The following BCL6 variants were observed in gnomAD, a reference collection of about 807,000 sequenced individuals.
BCL6 encodes the protein BCL6 transcription repressor, also known as B-cell lymphoma 6 protein.
BCL6 carries 7 observed loss-of-function variants against 59.5 expected under a neutral mutation model. The ratio of observed to expected loss-of-function variants is 0.12; its 90% CI spans 0.07 to 0.22. The LOEUF (loss-of-function observed/expected upper bound fraction) is 0.22. Ranked by LOEUF, BCL6 falls within the 10% of genes least tolerant of loss-of-function variation. The probability of loss-of-function intolerance (pLI) is 1.00; values close to 1 mark genes in which losing one functional copy is unlikely to be tolerated. For missense variants in BCL6, 685 were observed against 939.4 expected, an observed-to-expected ratio of 0.73 and a Z score of 3.54; for synonymous variants, 339 against 349.7, an observed-to-expected ratio of 0.97 and a Z score of 0.34.
At position 187,724,937 on chromosome 3, in the gene BCL6, G is replaced by T. The variant is rs112100267; in HGVS notation, c.1977+4C>A. 1 of 1,614,172 alleles carries T rather than the reference G, an allele frequency of 6.2e-7. No homozygotes were observed. The highest frequency in any genetic ancestry group is 1.1e-5 in the South Asian group (1 of 91,090). ...CAGAGAGCGGCCTCAAGAGGCTTAC[G>T]TACATGGTAAGGTTTCTCTCCTGTG... On this transcript the variant is annotated splice_donor_region_variant and intron_variant, in intron 9 of 9. Transcript: ENST00000406870.
At chr3:187,741,561 T>C (rs1711593316) in intron 1 of BCL6, among the ~76,000 whole-genome samples, 1 of 151,042 alleles carries the variant, frequency 6.6e-6, no homozygotes, top group Middle Eastern at 3.2e-3. Flanking sequence ...ATCGGGAGGG[T>C]TGGGAGGGGC....
chr3:187,726,987 T>G (rs1718738909), intron 6 of BCL6, 89 bp from the exon 7 acceptor site: 1 of 1,455,696 alleles, frequency 6.9e-7, no homozygotes, highest in African/African-American at 1.4e-5. Flanking sequence ...CTACCCCTTG[T>G]GCCAAACTGA....
chr3:187,721,548 C>T lies in BCL6; in HGVS notation c.*910G>A. On this transcript the variant is annotated 3_prime_UTR_variant, in exon 10 of 10. Transcript: ENST00000406870. The surrounding 1 kb of genome is among the most constrained non-coding windows in gnomAD (Gnocchi z 4.2). ...AAGAGAGTTTAGTTAGTAACAACTT[C>T]AAGTCCCTGTGTCTGCCTACACTTC... The T allele has an allele frequency of 4.3e-6, 1 of 233,414 alleles. No individual in the cohort carries two copies. Among genetic ancestry groups the T allele is most frequent in the Non-Finnish European group, 8.5e-6 (1 of 117,878 alleles). 14.5% of individuals were successfully genotyped at this position (233,414 alleles called of 1,614,324 possible). A position where few individuals can be genotyped will look rare whatever the true frequency, so the allele number is the denominator to read the frequency against.
rs112603207 is a variant in BCL6, at chr3:187,725,453, C to T, written c.1839+46G>A. 5.0e-3 allele frequency: 7,821 copies of T among 1,550,242 alleles called. 276 individuals carry two copies. The African/African-American group carries it at 0.11, about 22-fold the overall frequency. ...CTGCCCACTCCTCCGCTCGCCTGCC[C>T]GCTCCGCTCGCCTGCCCGCTCCGCT... is the stretch of plus-strand genomic sequence containing the variant. On this transcript the variant is annotated intron_variant, in intron 8 of 9. Coordinates refer to ENST00000406870, the MANE Select transcript of BCL6 (RefSeq NM_001706.5). The surrounding 1 kb of genome is among the most constrained non-coding windows in gnomAD (Gnocchi z 4.7).
chr3:187,744,728 A>T (rs1258287916), intron 1 of BCL6, among the ~76,000 whole-genome samples: 2 of 152,128 alleles, frequency 1.3e-5, no homozygotes, highest in South Asian at 2.1e-4. Context: ...TGCCTCCCGG[A>T]GTTACCCAGA....
At position 187,729,059 on chromosome 3, in the gene BCL6, A is replaced by ATGTTAT; in HGVS notation, c.1340_1345dup (p.Asn447_Asn448dup). On this transcript the variant is annotated inframe_insertion, in exon 5 of 10. Transcript: ENST00000406870. The surrounding 1 kb of genome is among the most constrained non-coding windows in gnomAD (Gnocchi z 5.6). ...CAGTCTCTGAAATCACCTGTTAACG[A>ATGTTAT]TGTTATTGAGCCGGCTGGCTTGTGG... 1 of 1,524,844 alleles carries ATGTTAT rather than the reference A, an allele frequency of 6.6e-7. No individual in the cohort carries two copies. Among genetic ancestry groups the ATGTTAT allele is most frequent in the Non-Finnish European group, 8.8e-7 (1 of 1,138,318 alleles). The allele number at this position is 1,524,844 out of a possible 1,614,324, so 94.5% of individuals were successfully genotyped here. A position where few individuals can be genotyped will look rare whatever the true frequency, so the allele number is the denominator to read the frequency against.
Position 187,742,224 on chromosome 3 carries a change from A to C in BCL6, c.-50+3186T>G, listed in dbSNP as rs115303055. On this transcript the variant is annotated intron_variant, in intron 1 of 9. Coordinates refer to ENST00000406870, the MANE Select transcript of BCL6 (RefSeq NM_001706.5). ...GGCGCTGCTGCACCGCCTCCTCTAT[A>C]TCTCTTAAGTTTTTCACAACAAAGT... Among the ~76,000 whole-genome samples the C allele has an allele frequency of 4.7e-3, 714 of 152,194 alleles. 8 individuals are homozygous for C. Among genetic ancestry groups the C allele is most frequent in the African/African-American group, 0.016 (682 of 41,518 alleles).
At chr3:187,741,064 C>T (rs1311630325) in intron 1 of BCL6, among the ~76,000 whole-genome samples, 2 of 152,210 alleles carry the variant, frequency 1.3e-5, no homozygotes, top group African/African-American at 4.8e-5. Context: ...GTCCGAGAAT[C>T]GCCGCGCGGC....
rs757479124 is a variant in BCL6 at position 187,729,610 on chromosome 3, G to A, written c.795C>T (p.Ile265=). Residue 265 remains isoleucine, a synonymous_variant, in exon 5 of 10, where the codon ATC becomes ATT. Transcript: ENST00000406870. This position sits in a 1 kb window ranked among gnomAD's most constrained non-coding sequence, Gnocchi z 5.6. Reference sequence around the variant, plus strand: ...GCATATCACTTCGTGCCTCTTCTGGGATTGTTTCCTTGGGTGAATAGATAT... The same window carrying A: ...GCATATCACTTCGTGCCTCTTCTGGAATTGTTTCCTTGGGTGAATAGATAT... The part of the protein sequence containing the change: ...HSNIYSPKET[I]PEEARSDMHY... 13 of 1,614,056 alleles carry A rather than the reference G, an allele frequency of 8.1e-6. No homozygotes were observed. In the East Asian group the frequency reaches 2.0e-4, roughly 25 times the overall value.
At chr3:187,727,001 C>G in intron 6 of BCL6, 103 bp from the exon 7 acceptor site, 2 of 1,335,216 alleles carry the variant, frequency 1.5e-6, no homozygotes, top group Non-Finnish European at 1.0e-6. Context: ...AAACTGAACT[C>G]TCAGTCCCTC....
intron 1 of BCL6, chr3:187,737,597 C>G (rs773620589): frequency 6.6e-6 from 1 of 152,616 alleles, no homozygotes; most frequent in Non-Finnish European, 1.5e-5. Flanking sequence ...CACTCCGTAC[C>G]TGTCTTCCAG....
intron 7 of BCL6, among the ~76,000 whole-genome samples, chr3:187,726,515 C>A (rs1560148056): frequency 6.6e-6 from 1 of 152,196 alleles, no homozygotes; most frequent in Non-Finnish European, 1.5e-5. Flanking sequence ...CAGGATAGAG[C>A]ATCTCAGAGG....
chr3:187,732,194 G>A lies in BCL6; in HGVS notation c.162-264C>T, dbSNP rs1308912496. On this transcript the variant is annotated intron_variant, in intron 3 of 9. Coordinates refer to ENST00000406870, the MANE Select transcript of BCL6 (RefSeq NM_001706.5). ...AAATAGGGGAACTAAGATCAGGGGG[G>A]TTAAGTGAATATTCTTAAAGTCACA... Among the ~76,000 whole-genome samples, 4 of 152,176 alleles carry A rather than the reference G, an allele frequency of 2.6e-5. No homozygotes were observed. The East Asian group carries it at 5.8e-4, about 22-fold the overall frequency.
intron 7 of BCL6, 58 bp downstream of exon 7, chr3:187,726,673 C>T (rs1273028866): frequency 6.3e-7 from 1 of 1,586,838 alleles, no homozygotes; most frequent in Non-Finnish European, 8.6e-7. Flanking sequence ...CTAGGATCCT[C>T]TCCCTGTCCT....
At position 187,733,552 on chromosome 3, in the gene BCL6, T is replaced by C. The variant is rs1719146292; in HGVS notation, c.142A>G (p.Thr48Ala). The change falls in exon 3 of 10, where the codon ACG (threonine) becomes GCG (alanine). Residue 48 changes from threonine (T) to alanine (A), a missense_variant. Physicochemically the swap from Thr to Ala is moderately conservative, Grantham distance 58. Around this residue, in one of 7 missense-constraint regions of BCL6, gnomAD observed 102 missense variants for 176.6 expected, o/e 0.58. Transcript: ENST00000406870. ...CCTCACCTGCAGGCCATGAGGACCG[T>C]TTTATGGGCTCTAAACTGCTCACGG... ...VSREQFRAHKTVLMACSGLFY... is the reference protein window; with the variant it reads ...VSREQFRAHKAVLMACSGLFY... 1.2e-6 allele frequency: 2 copies of C among 1,613,908 alleles called. No homozygotes were observed. Among genetic ancestry groups the C allele is most frequent in the Non-Finnish European group, 1.7e-6 (2 of 1,179,958 alleles).
chr3:187,724,917 AG>A (rs1158481227), intron 9 of BCL6, 23 bp downstream of exon 9: 1 of 1,613,946 alleles, frequency 6.2e-7, no homozygotes, highest in Non-Finnish European at 8.5e-7. Context: ...CAGGTCAGAG[AG>A]CGGCCTCAAG....
chr3:187,734,920 GAAGA>G lies in BCL6; in HGVS notation c.-49-17_-49-14del, dbSNP rs1719218445. ...TTTTGCTCAAAACCTACAGAGAAGA[GAAGA>G]AAGCAAACAGAAATTGATTTAACGA... On this transcript the variant is annotated splice_polypyrimidine_tract_variant and intron_variant, in intron 1 of 9. Transcript: ENST00000406870. The G allele has an allele frequency of 6.6e-6, 1 of 152,652 alleles. No homozygotes were observed. Among genetic ancestry groups the G allele is most frequent in the Admixed American group, 6.5e-5 (1 of 15,288 alleles). The allele number at this position is 152,652 out of a possible 1,614,324, so 9.5% of individuals were successfully genotyped here. A position where few individuals can be genotyped will look rare whatever the true frequency, so the allele number is the denominator to read the frequency against.
chr3:187,743,105 GT>G (rs1370082967), intron 1 of BCL6, among the ~76,000 whole-genome samples: 2 of 151,936 alleles, frequency 1.3e-5, no homozygotes, highest in Non-Finnish European at 2.9e-5. Flanking sequence ...GAGGAAGCCG[GT>G]GGCATCGCTC....
intron 1 of BCL6, among the ~76,000 whole-genome samples, chr3:187,744,582 A>G (rs1711795002): frequency 6.6e-6 from 1 of 152,276 alleles, no homozygotes; most frequent in South Asian, 2.1e-4. Context: ...GACCAAAAAA[A>G]CAAAAACAAA....
Sources: allele counts gnomAD v4.1 joint callset (sites outside exome capture counted in the v4.1 genomes callset), GRCh38; gene constraint gnomAD v4.1.1; regional missense constraint gnomAD v4.1.1; non-coding constraint Gnocchi (gnomAD v3.1); transcripts MANE v1.5; gene names NCBI Gene and HGNC (gene_info 2026-07-23, HGNC 2026-07-21).